The following PLPP4 variants were observed in gnomAD, a reference collection of about 807,000 sequenced individuals.
PLPP4 encodes the protein diacylglycerol pyrophosphate like 2.
PLPP4 carries 20 observed loss-of-function variants against 32.2 expected under a neutral mutation model. That is an observed-to-expected ratio of 0.62 (90% confidence interval 0.44 to 0.90). The LOEUF is 0.90. Among genes scored for constraint, PLPP4 ranks in the 40% least tolerant of loss-of-function variants. PLPP4 has a pLI of 0.00. For missense variants in PLPP4, 257 were observed against 353.1 expected (o/e 0.73, Z 2.18); for synonymous variants, 127 against 133.0 (o/e 0.95, Z 0.31).
At chr10:120,571,467 C>A (rs1489017897) in intron 5 of PLPP4, among the ~76,000 whole-genome samples, 2 of 152,084 alleles carry the variant, frequency 1.3e-5, no homozygotes, top group African/African-American at 2.4e-5. Flanking sequence ...GCACCCTCCC[C>A]CTCCTCACAG....
intron 1 of PLPP4, among the ~76,000 whole-genome samples, chr10:120,500,483 C>T (rs1845191408): frequency 6.6e-6 from 1 of 152,066 alleles, no homozygotes; most frequent in Non-Finnish European, 1.5e-5. Flanking sequence ...GAGTCATTTC[C>T]CCTCCCTGGA....
At chr10:120,567,670 G>C (rs1848752678) in intron 5 of PLPP4, among the ~76,000 whole-genome samples, 1 of 138,462 alleles carries the variant, frequency 7.2e-6, no homozygotes, top group African/African-American at 2.6e-5. Flanking sequence ...TGTTGTTGCT[G>C]TTTGTTTGTT....
At chr10:120,558,781 AATC>A (rs145819633) in intron 5 of PLPP4, among the ~76,000 whole-genome samples, 5,973 of 152,272 alleles carry the variant, frequency 0.039, 276 homozygotes, top group East Asian at 0.16. Context: ...ATTTAAAAAA[AATC>A]ATTCTAATGC....
chr10:120,470,350 T>C (rs576046830), intron 1 of PLPP4, among the ~76,000 whole-genome samples: 1 of 152,370 alleles, frequency 6.6e-6, no homozygotes, highest in Admixed American at 6.5e-5. Flanking sequence ...TAATCTTCTC[T>C]TTCATGTATT....
chr10:120,481,290 T>G (rs533262877), intron 1 of PLPP4, among the ~76,000 whole-genome samples: 1 of 152,310 alleles, frequency 6.6e-6, no homozygotes, highest in South Asian at 2.1e-4. Context: ...TGGTGAGGAC[T>G]GTACCATGTG....
At chr10:120,471,596 T>G (rs1229700858) in intron 1 of PLPP4, among the ~76,000 whole-genome samples, 3 of 152,094 alleles carry the variant, frequency 2.0e-5, no homozygotes, top group Non-Finnish European at 2.9e-5. Flanking sequence ...AGGTTATCTT[T>G]TTCCATCCTT....
chr10:120,551,584 C>A (rs1324608080), intron 5 of PLPP4, among the ~76,000 whole-genome samples: 1 of 152,112 alleles, frequency 6.6e-6, no homozygotes, highest in Non-Finnish European at 1.5e-5. Context: ...GGAAGTCAGA[C>A]AGAAAAGAGT....
At chr10:120,527,514 G>C (rs1846457991) in intron 5 of PLPP4, among the ~76,000 whole-genome samples, 1 of 152,166 alleles carries the variant, frequency 6.6e-6, no homozygotes, top group African/African-American at 2.4e-5. Context: ...TACCTTTACG[G>C]TAACATCTAG....
intron 1 of PLPP4, among the ~76,000 whole-genome samples, chr10:120,481,358 G>T (rs1844197920): frequency 1.3e-5 from 2 of 152,172 alleles, no homozygotes; most frequent in Admixed American, 1.3e-4. Context: ...GCAGCCCAGG[G>T]GACATCAGGG....
chr10:120,510,795 C>T (rs927998314), intron 2 of PLPP4, among the ~76,000 whole-genome samples: 1 of 152,202 alleles, frequency 6.6e-6, no homozygotes, highest in Admixed American at 6.5e-5. Flanking sequence ...GTGAATGATA[C>T]ATGTAACTAT....
chr10:120,583,040 CA>C (rs1849593979), intron 6 of PLPP4, among the ~76,000 whole-genome samples: 2 of 151,770 alleles, frequency 1.3e-5, no homozygotes, highest in South Asian at 4.2e-4. Context: ...AAAAGAACAA[CA>C]AAAAAATCAC....
intron 1 of PLPP4, among the ~76,000 whole-genome samples, chr10:120,470,017 G>A (rs2478429): frequency 0.065 from 9,870 of 152,202 alleles, 406 homozygotes; most frequent in Middle Eastern, 0.15. Context: ...TCAAGACCAC[G>A]TACATTTTAA....
intron 1 of PLPP4, among the ~76,000 whole-genome samples, chr10:120,482,994 A>G (rs1029070425): frequency 1.3e-5 from 2 of 152,194 alleles, no homozygotes; most frequent in Non-Finnish European, 1.5e-5. Context: ...CCCACCCTCA[A>G]TCTGGGTGGG....
chr10:120,491,048 C>G (rs1055036746), intron 1 of PLPP4, among the ~76,000 whole-genome samples: 1 of 152,132 alleles, frequency 6.6e-6, no homozygotes, highest in Non-Finnish European at 1.5e-5. Flanking sequence ...GCGGGGTATA[C>G]AGACTGTCCC....
intron 5 of PLPP4, among the ~76,000 whole-genome samples, chr10:120,533,328 C>T (rs1032714703): frequency 2.8e-4 from 42 of 152,226 alleles, no homozygotes; most frequent in African/African-American, 9.9e-4. Flanking sequence ...GCAAAATTTT[C>T]TATGCAAATC....
At chr10:120,523,807 A>G (rs1410852867) in intron 5 of PLPP4, among the ~76,000 whole-genome samples, 1 of 152,202 alleles carries the variant, frequency 6.6e-6, no homozygotes, top group Middle Eastern at 3.2e-3. Flanking sequence ...AATGGTTGGT[A>G]GGGGACTGTA....
chr10:120,517,303 A>C (rs1286394087), intron 3 of PLPP4, among the ~76,000 whole-genome samples: 2 of 152,090 alleles, frequency 1.3e-5, no homozygotes, highest in African/African-American at 2.4e-5. Context: ...CGGCAATCTC[A>C]CAACCTGTTA....
intron 1 of PLPP4, among the ~76,000 whole-genome samples, chr10:120,495,185 A>C (rs1000880671): frequency 6.6e-6 from 1 of 152,188 alleles, no homozygotes; most frequent in Admixed American, 6.5e-5. Flanking sequence ...TGTTCTTATG[A>C]GGGTGAAGTC....
At position 120,591,309 on chromosome 10, in the gene PLPP4, G is replaced by A. The variant is rs1347581696; in HGVS notation, c.*1807G>A. Reference sequence around the variant, plus strand: ...GCCCTGGTCCTTCCAAACTGGCTTTGGCACGGTCATGTGATTGTCCCCTGG... The same window carrying A: ...GCCCTGGTCCTTCCAAACTGGCTTTAGCACGGTCATGTGATTGTCCCCTGG... On this transcript the variant is annotated 3_prime_UTR_variant, in exon 7 of 7. Coordinates refer to ENST00000398250, the MANE Select transcript of PLPP4 (RefSeq NM_001030059.3). Among the ~76,000 whole-genome samples the A allele has an allele frequency of 6.6e-6, 1 of 152,118 alleles. No individual in the cohort carries two copies. Among genetic ancestry groups the A allele is most frequent in the East Asian group, 1.9e-4 (1 of 5,188 alleles).
Sources: gnomAD v4.1 joint callset for allele counts (sites outside exome capture counted in the v4.1 genomes callset) on GRCh38, gnomAD v4.1.1 for gene constraint, MANE v1.5 for transcripts, NCBI Gene and HGNC (gene_info 2026-07-23, HGNC 2026-07-21) for gene names.